Variants in CAMTA1 observed in about 807,000 individuals in gnomAD.
The protein encoded by CAMTA1 is calmodulin binding transcription activator 1.
Under a neutral mutation model 170.9 loss-of-function variants are expected in CAMTA1, and 27 were observed. That is an observed-to-expected ratio of 0.16 (90% CI 0.12 to 0.22). The LOEUF is 0.22. Ranked by LOEUF, CAMTA1 falls within the 10% of genes least tolerant of loss-of-function variation. The pLI is 1.00. For synonymous variants in CAMTA1, 833 were observed against 891.5 expected (o/e 0.93, Z 1.17); for missense variants, 1,619 against 2,217.2 (o/e 0.73, Z 5.42).
chr1:7,072,831 C>T (rs571136820), intron 3 of CAMTA1, among the ~76,000 whole-genome samples: 32 of 152,292 alleles, frequency 2.1e-4, no homozygotes, highest in African/African-American at 7.5e-4. Context: ...GCTGTCTGTT[C>T]AGGGAGTAGC....
chr1:7,230,576 C>T (rs918013292), intron 4 of CAMTA1, among the ~76,000 whole-genome samples: 3 of 152,194 alleles, frequency 2.0e-5, no homozygotes, highest in Admixed American at 2.0e-4. Context: ...TTAGTCCTGG[C>T]AGAGTGGCTG....
intron 3 of CAMTA1, among the ~76,000 whole-genome samples, chr1:6,986,286 T>C (rs1695346584): frequency 6.6e-6 from 1 of 152,224 alleles, no homozygotes; most frequent in African/African-American, 2.4e-5. Context: ...GGATGGTTGT[T>C]TGACACAATT....
chr1:7,717,978 C>T (rs2096623298), intron 11 of CAMTA1, among the ~76,000 whole-genome samples: 2 of 152,200 alleles, frequency 1.3e-5, no homozygotes, highest in Non-Finnish European at 2.9e-5. Flanking sequence ...GGAATTTCTG[C>T]TAGGCCTCAG....
chr1:7,562,875 A>C lies in CAMTA1; in HGVS notation c.511-77525A>C, dbSNP rs2094978311. Among the ~76,000 whole-genome samples the C allele has an allele frequency of 6.6e-6, 1 of 152,168 alleles. No individual in the cohort carries two copies. Among genetic ancestry groups the C allele is most frequent in the Admixed American group, 6.5e-5 (1 of 15,286 alleles). On this transcript the variant is annotated intron_variant, in intron 6 of 22. Transcript: ENST00000303635. The surrounding 1 kb of genome is among the most constrained non-coding windows in gnomAD (Gnocchi z 4.8). ...ACTCACCTGCAGCCTGTCAACAGCC[A>C]GCTCCGGGACTCTCCCAGGGCCCCA...
At chr1:6,940,846 G>A (rs148165988) in intron 3 of CAMTA1, among the ~76,000 whole-genome samples, 442 of 14,078 alleles carry the variant, frequency 0.031, 4 homozygotes, top group Non-Finnish European at 0.043. Context: ...GCCGGGCTCA[G>A]CACTATCCCC....
intron 4 of CAMTA1, among the ~76,000 whole-genome samples, chr1:7,145,336 G>A (rs1455238748): frequency 6.6e-6 from 1 of 152,264 alleles, no homozygotes; most frequent in African/African-American, 2.4e-5. Flanking sequence ...TTCATCTATT[G>A]TATTTATGGA....
intron 6 of CAMTA1, among the ~76,000 whole-genome samples, chr1:7,550,389 C>A (rs2094782531): frequency 2.0e-5 from 3 of 151,962 alleles, no homozygotes; most frequent in Admixed American, 1.3e-4. Flanking sequence ...GATCCAGAGT[C>A]CTGAATGGGG....
chr1:7,036,440 G>A (rs927860211), intron 3 of CAMTA1, among the ~76,000 whole-genome samples: 17 of 152,170 alleles, frequency 1.1e-4, no homozygotes, highest in African/African-American at 3.9e-4. Context: ...GAGAGGGTGC[G>A]ATCAGCCAGG....
chr1:6,884,471 A>G (rs1431370921), intron 3 of CAMTA1, among the ~76,000 whole-genome samples: 1 of 152,190 alleles, frequency 6.6e-6, no homozygotes, highest in African/African-American at 2.4e-5. Flanking sequence ...TCTCAGCAGC[A>G]TACATGTTAC....
At chr1:7,414,823 CT>C (rs2091046453) in intron 5 of CAMTA1, among the ~76,000 whole-genome samples, 2 of 151,788 alleles carry the variant, frequency 1.3e-5, no homozygotes, top group African/African-American at 4.8e-5. Flanking sequence ...TTTGTTCTTG[CT>C]TTTCTAGTTC....
At chr1:7,239,408 A>G (rs1664455708) in intron 4 of CAMTA1, among the ~76,000 whole-genome samples, 1 of 152,102 alleles carries the variant, frequency 6.6e-6, no homozygotes, top group Non-Finnish European at 1.5e-5. Context: ...TTCAGGCTAT[A>G]TGTTCTCATT....
chr1:6,881,029 C>T (rs919158807), intron 3 of CAMTA1, among the ~76,000 whole-genome samples: 1 of 152,128 alleles, frequency 6.6e-6, no homozygotes, highest in Non-Finnish European at 1.5e-5. Context: ...GAAGTAGCTG[C>T]TGTCATTATC....
At chr1:6,867,536 C>T (rs556445951) in intron 3 of CAMTA1, among the ~76,000 whole-genome samples, 2 of 152,244 alleles carry the variant, frequency 1.3e-5, no homozygotes, top group African/African-American at 4.8e-5. Context: ...CAGCACCTGC[C>T]GGCCACTTGC....
intron 5 of CAMTA1, among the ~76,000 whole-genome samples, chr1:7,292,401 T>A (rs919480187): frequency 4.6e-5 from 7 of 152,234 alleles, no homozygotes; most frequent in African/African-American, 1.7e-4. Flanking sequence ...TGAATATGTG[T>A]GTCTCCTGTG....
At chr1:6,802,847 A>G (rs1468695002) in intron 1 of CAMTA1, among the ~76,000 whole-genome samples, 1 of 151,328 alleles carries the variant, frequency 6.6e-6, no homozygotes, top group Non-Finnish European at 1.5e-5. Flanking sequence ...TGATCCTCCC[A>G]CCTCAGCCCC....
intron 6 of CAMTA1, among the ~76,000 whole-genome samples, chr1:7,575,955 A>C (rs2095186683): frequency 6.6e-6 from 1 of 152,130 alleles, no homozygotes; most frequent in African/African-American, 2.4e-5. Flanking sequence ...AAGGAAATGG[A>C]GCAAGGAGGC....
At chr1:7,408,808 G>A (rs1051124687) in intron 5 of CAMTA1, among the ~76,000 whole-genome samples, 2 of 152,192 alleles carry the variant, frequency 1.3e-5, no homozygotes, top group African/African-American at 2.4e-5. Flanking sequence ...GAATTGGCAG[G>A]TGGGGAAACT....
At chr1:7,304,402 T>C (rs1043280455) in intron 5 of CAMTA1, among the ~76,000 whole-genome samples, 1 of 152,230 alleles carries the variant, frequency 6.6e-6, no homozygotes, top group African/African-American at 2.4e-5. Context: ...TACACATATG[T>C]CATTTTACAC....
intron 9 of CAMTA1, among the ~76,000 whole-genome samples, chr1:7,669,342 TG>T (rs1055515213): frequency 2.3e-4 from 35 of 152,294 alleles, no homozygotes; most frequent in African/African-American, 8.2e-4. Flanking sequence ...ACCTCATCCC[TG>T]GAAACACTCA....
Sources: allele counts gnomAD v4.1 joint callset (sites outside exome capture counted in the v4.1 genomes callset), GRCh38; gene constraint gnomAD v4.1.1; non-coding constraint Gnocchi (gnomAD v3.1); transcripts MANE v1.5; gene names NCBI Gene and HGNC (gene_info 2026-07-23, HGNC 2026-07-21).